Variants in CIT observed in about 807,000 individuals in gnomAD.
CIT encodes the protein citron Rho-interacting kinase.
CIT carries 79 observed loss-of-function variants against 272.7 expected under a neutral mutation model. The observed-to-expected ratio is 0.29, with a 90% confidence interval of 0.24 to 0.35. The LOEUF is 0.35. Ranked by LOEUF, CIT falls within the 10% of genes least tolerant of loss-of-function variation. CIT has a pLI of 1.00. For synonymous variants in CIT, 948 were observed against 995.6 expected (o/e 0.95, Z 0.90); for missense variants, 1,909 against 2,618.3 (o/e 0.73, Z 5.91).
intron 44 of CIT, among the ~76,000 whole-genome samples, chr12:119,700,477 G>A (rs1565903590): frequency 6.6e-6 from 1 of 152,258 alleles, no homozygotes; most frequent in South Asian, 2.1e-4. Flanking sequence ...CCGCCTCCTG[G>A]GTTCAAGCAA....
chr12:119,754,928 C>T (rs1179913649), intron 22 of CIT, among the ~76,000 whole-genome samples: 1 of 152,204 alleles, frequency 6.6e-6, no homozygotes, highest in African/African-American at 2.4e-5. Flanking sequence ...AGGCAAGAGA[C>T]AGCCAGTCAA....
In CIT at chr12:119,710,552, G is replaced by C; in HGVS notation, c.4923C>G (p.Pro1641=). The C allele has an allele frequency of 6.2e-7, 1 of 1,614,220 alleles. No individual in the cohort carries two copies. The highest frequency in any genetic ancestry group is 8.5e-7 in the Non-Finnish European group (1 of 1,180,026). Reference sequence around the variant, plus strand: ...ATGCAAGCATTACCTGGTCACTGAAGGGCAGCGTGCAGTTCATGTCTAGAC... The same window carrying C: ...ATGCAAGCATTACCTGGTCACTGAACGGCAGCGTGCAGTTCATGTCTAGAC... ...DDRLDMNCTL[P]FSDQVVLVGT... The change falls in exon 38 of 48, where the codon CCC becomes CCG. Residue 1641 remains proline (P), a synonymous_variant. Transcript: ENST00000392521. This position sits in a 1 kb window ranked among gnomAD's most constrained non-coding sequence, Gnocchi z 5.6.
At chr12:119,801,447 T>C (rs1269686464) in intron 10 of CIT, among the ~76,000 whole-genome samples, 2 of 152,170 alleles carry the variant, frequency 1.3e-5, no homozygotes, top group Admixed American at 6.5e-5. Flanking sequence ...TTAATTGCAA[T>C]GCCTAAGATC....
chr12:119,779,448 T>C (rs1964088819), intron 13 of CIT, among the ~76,000 whole-genome samples: 2 of 152,162 alleles, frequency 1.3e-5, no homozygotes, highest in Admixed American at 1.3e-4. Flanking sequence ...AACAGTGTCT[T>C]TGACCTAAGC....
At chr12:119,732,200 T>C (rs1233498337) in intron 26 of CIT, among the ~76,000 whole-genome samples, 4 of 151,552 alleles carry the variant, frequency 2.6e-5, no homozygotes, top group Admixed American at 2.6e-4. Context: ...TCCCATATAA[T>C]ACCAAAACAG....
At chr12:119,698,130 G>A in intron 44 of CIT, 76 bp from the exon 45 acceptor site, 1 of 1,304,998 alleles carries the variant, frequency 7.7e-7, no homozygotes, top group South Asian at 1.2e-5. Context: ...TGACTGCAAT[G>A]CATTCTTTGA....
intron 23 of CIT, among the ~76,000 whole-genome samples, chr12:119,751,532 C>A (rs897525300): frequency 4.6e-5 from 7 of 150,998 alleles, no homozygotes; most frequent in East Asian, 3.9e-4. Context: ...GAGAAAGAAT[C>A]TTTCATTCAG....
In CIT at chr12:119,857,496, AAAAGCATGATGTT is replaced by A. The variant is rs1194708047; in HGVS notation, c.414+14_414+26del. On this transcript the variant is annotated intron_variant, in intron 4 of 47. Coordinates refer to ENST00000392521, the MANE Select transcript of CIT (RefSeq NM_001206999.2). The stretch of plus-strand genomic sequence containing the variant: ...ATGAACACTCCGGTACAGAAAGTGG[AAAAGCATGATGTT>A]AAAATCCTCCTACCTGCTCCTGGGC... 1 of 1,611,944 alleles carries A rather than the reference AAAAGCATGATGTT, an allele frequency of 6.2e-7. No homozygotes were observed. Among genetic ancestry groups the A allele is most frequent in the East Asian group, 2.2e-5 (1 of 44,884 alleles).
At chr12:119,810,258 G>A (rs1966820396) in intron 9 of CIT, among the ~76,000 whole-genome samples, 1 of 152,186 alleles carries the variant, frequency 6.6e-6, no homozygotes, top group East Asian at 1.9e-4. Flanking sequence ...TGAACTGGAG[G>A]ACGCCTAGTG....
chr12:119,812,843 AAGAAGAAGGAG>A (rs1966864884), intron 9 of CIT, among the ~76,000 whole-genome samples: 1 of 151,914 alleles, frequency 6.6e-6, no homozygotes, highest in Non-Finnish European at 1.5e-5. Context: ...TCCTCCAATA[AAGAAGAAGGAG>A]GTTATCTGGC....
At chr12:119,785,873 C>A (rs1451458531) in intron 10 of CIT, among the ~76,000 whole-genome samples, 1 of 152,142 alleles carries the variant, frequency 6.6e-6, no homozygotes, top group African/African-American at 2.4e-5. Context: ...AGCCACCAAG[C>A]CTGGCATCAT....
chr12:119,705,962 T>C (rs1956857265), intron 40 of CIT, among the ~76,000 whole-genome samples: 1 of 151,382 alleles, frequency 6.6e-6, no homozygotes, highest in Non-Finnish European at 1.5e-5. Context: ...TGATGGTGCG[T>C]GCCTGTAGTC....
chr12:119,716,456 A>T (rs1484793780), intron 32 of CIT, among the ~76,000 whole-genome samples: 1 of 149,932 alleles, frequency 6.7e-6, no homozygotes, highest in African/African-American at 2.4e-5. Flanking sequence ...ACACAGGAGG[A>T]AGAAAATGAC....
At chr12:119,758,825 T>C (rs1026826480) in intron 20 of CIT, 125 bp from the exon 21 acceptor site, 2 of 692,620 alleles carry the variant, frequency 2.9e-6, no homozygotes, top group African/African-American at 3.5e-5. Context: ...GGCACTCAAC[T>C]AGTCTGTACT....
Position 119,770,264 on chromosome 12 carries a change from T to C in CIT, c.2208+521A>G, listed in dbSNP as rs1407340307. On this transcript the variant is annotated intron_variant, in intron 18 of 47. Coordinates refer to ENST00000392521, the MANE Select transcript of CIT (RefSeq NM_001206999.2). This position sits in a 1 kb window ranked among gnomAD's most constrained non-coding sequence, Gnocchi z 4.4. ...GCTATATCTAAGGAAATTGAAAAAA[T>C]AATAATAATAATAACCAACTGTAGC... Among the ~76,000 whole-genome samples the C allele has an allele frequency of 6.6e-6, 1 of 151,778 alleles. No homozygotes were observed. Among genetic ancestry groups the C allele is most frequent in the Non-Finnish European group, 1.5e-5 (1 of 67,956 alleles).
At chr12:119,831,733 G>A (rs1320637926) in intron 7 of CIT, among the ~76,000 whole-genome samples, 2 of 152,166 alleles carry the variant, frequency 1.3e-5, no homozygotes, top group African/African-American at 2.4e-5. Flanking sequence ...GCTGGGCATG[G>A]TGGCGGGCGC....
At chr12:119,703,009 C>T (rs568200086) in intron 41 of CIT, among the ~76,000 whole-genome samples, 5 of 152,178 alleles carry the variant, frequency 3.3e-5, no homozygotes, top group South Asian at 2.1e-4. Context: ...AATGTGTGGC[C>T]GGGAATCATA....
chr12:119,746,718 C>T (rs1276849527), intron 23 of CIT, among the ~76,000 whole-genome samples: 1 of 152,112 alleles, frequency 6.6e-6, no homozygotes, highest in Admixed American at 6.5e-5. Context: ...TCAAGCAATC[C>T]TCTCTGAAAG....
chr12:119,803,234 T>C lies in CIT; in HGVS notation c.1267A>G (p.Lys423Glu), dbSNP rs144182062. 4 of 1,589,094 alleles carry C rather than the reference T, an allele frequency of 2.5e-6. No individual in the cohort carries two copies. The African/African-American group carries it at 5.5e-5, about 22-fold the overall frequency. Reference protein sequence around the residue: ...ELPFVGFSYSKALGILGRSES... With the variant: ...ELPFVGFSYSEALGILGRSES... ...GATCTACCAAGAATCCCCAGTGCCT[T>C]GCTGTACGAAAACCCCACAAACGGC... Residue 423 changes from lysine to glutamate, a missense_variant, in exon 10 of 48, where the codon AAG becomes GAG. Physicochemically the swap from Lys to Glu is moderately conservative, Grantham distance 56 (BLOSUM62 1). Transcript: ENST00000392521.
Sources: gnomAD v4.1 joint callset for allele counts (sites outside exome capture counted in the v4.1 genomes callset) on GRCh38, gnomAD v4.1.1 for gene constraint, Gnocchi (gnomAD v3.1) non-coding constraint, MANE v1.5 for transcripts, NCBI Gene and HGNC (gene_info 2026-07-23, HGNC 2026-07-21) for gene names.